Variants in CLASP1 observed in about 807,000 individuals in gnomAD.
The protein encoded by CLASP1 is CLIP-associating protein 1.
In CLASP1, 38 loss-of-function variants were observed where a neutral mutation model predicts 192.3. That is an observed-to-expected ratio of 0.20 (90% confidence interval 0.15 to 0.26). The LOEUF (loss-of-function observed/expected upper bound fraction) is 0.26. Among genes scored for constraint, CLASP1 ranks in the 10% least tolerant of loss-of-function variants. The pLI is 1.00. For synonymous variants in CLASP1, 691 were observed against 712.8 expected (o/e 0.97, Z 0.49); for missense variants, 1,433 against 1,932.5 (o/e 0.74, Z 4.85).
intron 34 of CLASP1, among the ~76,000 whole-genome samples, chr2:121,375,753 G>C (rs1173280829): frequency 6.6e-6 from 1 of 152,112 alleles, no homozygotes; most frequent in Non-Finnish European, 1.5e-5. Context: ...GCTGAGCAGT[G>C]GCCATACTCA....
intron 1 of CLASP1, among the ~76,000 whole-genome samples, chr2:121,623,657 G>A (rs977928820): frequency 6.6e-6 from 1 of 152,132 alleles, no homozygotes; most frequent in Non-Finnish European, 1.5e-5. Flanking sequence ...AAGTCATCTG[G>A]ACCTAAGCTT....
chr2:121,588,269 T>C (rs1576271468), intron 2 of CLASP1, among the ~76,000 whole-genome samples: 2 of 152,140 alleles, frequency 1.3e-5, no homozygotes, highest in East Asian at 3.9e-4. Flanking sequence ...TAAGACAGGT[T>C]ATGTGGTAAG....
intron 8 of CLASP1, among the ~76,000 whole-genome samples, chr2:121,484,202 G>C (rs1470454632): frequency 6.6e-6 from 1 of 152,156 alleles, no homozygotes; most frequent in Admixed American, 6.5e-5. Flanking sequence ...TTTGATAACT[G>C]TCCTCACACT....
chr2:121,590,404 T>C (rs1576289952), intron 2 of CLASP1, among the ~76,000 whole-genome samples: 3 of 152,322 alleles, frequency 2.0e-5, no homozygotes, highest in East Asian at 3.9e-4. Flanking sequence ...AAGCTACAAA[T>C]GTATAGAAGA....
intron 1 of CLASP1, among the ~76,000 whole-genome samples, chr2:121,611,255 A>T (rs1246042212): frequency 7.0e-6 from 1 of 143,366 alleles, no homozygotes; most frequent in Non-Finnish European, 1.5e-5. Context: ...GCGTTGGAGG[A>T]GTTACAGGAG....
At chr2:121,413,560 G>A (rs2078075644) in intron 23 of CLASP1, among the ~76,000 whole-genome samples, 1 of 152,156 alleles carries the variant, frequency 6.6e-6, no homozygotes, top group African/African-American at 2.4e-5. Flanking sequence ...GCAGGTTTGG[G>A]GTTTGCAGGC....
chr2:121,466,109 G>T (rs2089520730), intron 9 of CLASP1, among the ~76,000 whole-genome samples: 1 of 152,054 alleles, frequency 6.6e-6, no homozygotes, highest in South Asian at 2.1e-4. Context: ...CCCAAGAATA[G>T]TTCAAGAAAA....
chr2:121,599,537 T>C (rs2063544783), intron 2 of CLASP1, among the ~76,000 whole-genome samples: 1 of 131,506 alleles, frequency 7.6e-6, no homozygotes, highest in African/African-American at 3.0e-5. Flanking sequence ...GCATTGAGCC[T>C]AGATTGCACC....
chr2:121,478,038 C>A (rs1189076434), intron 8 of CLASP1, among the ~76,000 whole-genome samples: 2 of 152,206 alleles, frequency 1.3e-5, no homozygotes, highest in East Asian at 3.9e-4. Flanking sequence ...AAGATAATTT[C>A]TCAAGTACAG....
chr2:121,499,254 T>C (rs2093650926), intron 8 of CLASP1, among the ~76,000 whole-genome samples: 1 of 152,226 alleles, frequency 6.6e-6, no homozygotes, highest in African/African-American at 2.4e-5. Context: ...AGAAATGAAC[T>C]TCTGATACAT....
rs1478660393 is a variant in CLASP1, at chr2:121,502,736, A to ACTTGTATTC, written c.712+430_712+431insGAATACAAG. Among the ~76,000 whole-genome samples the ACTTGTATTC allele has an allele frequency of 2.6e-5, 4 of 152,188 alleles. No homozygotes were observed. In the South Asian group the frequency reaches 6.2e-4, roughly 24 times the overall value. On this transcript the variant is annotated intron_variant, in intron 8 of 39. Transcript: ENST00000263710. ...GGGAAGTCTTTGGAGGATTAGGAAG[A>ACTTGTATTC]AGATTAACACCACCCGACTTGTATT...
At chr2:121,609,563 T>C (rs936365624) in intron 1 of CLASP1, among the ~76,000 whole-genome samples, 2 of 152,214 alleles carry the variant, frequency 1.3e-5, no homozygotes, top group African/African-American at 4.8e-5. Context: ...GGAATATTAA[T>C]CACATAGTTC....
At chr2:121,527,700 A>G (rs759442952) in intron 5 of CLASP1, 99 bp downstream of exon 5, 183 of 916,340 alleles carry the variant, frequency 2.0e-4, no homozygotes, top group Middle Eastern at 8.7e-4. Context: ...ATCTCACACT[A>G]CACTTCTTTG....
chr2:121,466,060 T>G (rs2089510021), intron 9 of CLASP1, among the ~76,000 whole-genome samples: 1 of 152,210 alleles, frequency 6.6e-6, no homozygotes, highest in African/African-American at 2.4e-5. Context: ...CCTAAAAGTC[T>G]AGTAATTTTC....
chr2:121,458,865 A>C lies in CLASP1; in HGVS notation c.1289T>G (p.Val430Gly), dbSNP rs1030527247. 8 of 1,610,858 alleles carry C rather than the reference A, an allele frequency of 5.0e-6. No homozygotes were observed. The highest frequency in any genetic ancestry group is 2.2e-5 in the East Asian group (1 of 44,718). The change falls in exon 13 of 40, where the codon GTT becomes GGT. Residue 430 changes from valine to glycine, a missense_variant. Around this residue, in one of 8 missense-constraint regions of CLASP1, gnomAD observed 113 missense variants for 239.5 expected, o/e 0.47. Coordinates refer to ENST00000263710, the Ensembl canonical transcript of CLASP1. The stretch of plus-strand genomic sequence containing the variant: ...CCGAATAATTAACCTAACAGCTACA[A>C]CACCAGATGTGGCCATAATTTTGGC...
chr2:121,554,734 G>A (rs2058377499), intron 2 of CLASP1, among the ~76,000 whole-genome samples: 1 of 152,202 alleles, frequency 6.6e-6, no homozygotes, highest in Admixed American at 6.6e-5. Flanking sequence ...AGAGCTGGGG[G>A]TAGAAGTGAG....
intron 8 of CLASP1, among the ~76,000 whole-genome samples, chr2:121,472,881 A>G (rs1414210556): frequency 6.6e-6 from 1 of 152,252 alleles, no homozygotes; most frequent in Non-Finnish European, 1.5e-5. Context: ...TCTGGAGTGC[A>G]AGTTAAATGA....
At chr2:121,603,040 T>C (rs1439401730) in intron 2 of CLASP1, 1 of 152,012 alleles carries the variant, frequency 6.6e-6, no homozygotes, top group African/African-American at 2.4e-5. Flanking sequence ...GAGAAGATAT[T>C]TGCAAATTAC....
At chr2:121,582,344 G>A (rs1451063537) in intron 2 of CLASP1, among the ~76,000 whole-genome samples, 1 of 145,340 alleles carries the variant, frequency 6.9e-6, no homozygotes, top group African/African-American at 2.6e-5. Flanking sequence ...AGAGAAAGAG[G>A]AGGAGAGAGA....
Sources: gnomAD v4.1 joint callset for allele counts (sites outside exome capture counted in the v4.1 genomes callset) on GRCh38, gnomAD v4.1.1 for gene constraint, gnomAD v4.1.1 regional missense constraint, MANE v1.5 for transcripts, NCBI Gene and HGNC (gene_info 2026-07-23, HGNC 2026-07-21) for gene names.